ENKUR: variants seen among roughly 807,000 people sequenced by gnomAD.
The protein encoded by ENKUR is enkurin, TRPC channel interacting protein.
ENKUR carries 19 observed loss-of-function variants against 27.6 expected under a neutral mutation model. The observed-to-expected ratio is 0.69, with a 90% CI of 0.48 to 1.01. ENKUR has a LOEUF of 1.01. Ranked by LOEUF, ENKUR falls within the 50% of genes least tolerant of loss-of-function variation. ENKUR has a pLI of 0.00. For synonymous variants in ENKUR, 117 were observed against 96.9 expected, an observed-to-expected ratio of 1.21 and a Z score of -1.22; for missense variants, 312 against 310.5, an observed-to-expected ratio of 1.00 and a Z score of -0.04.
At position 24,983,181 on chromosome 10, in the gene ENKUR, A is replaced by G. The variant is rs1311240461; in HGVS notation, c.*1189T>C. ...CTTAGTCACATTGCACAGTGATGTAAATGAAAAATGTATCTTTATCAGGAA... is the reference window on the plus strand; with the variant it reads ...CTTAGTCACATTGCACAGTGATGTAGATGAAAAATGTATCTTTATCAGGAA... On this transcript the variant is annotated 3_prime_UTR_variant, in exon 6 of 6. Coordinates refer to ENST00000331161, the MANE Select transcript of ENKUR (RefSeq NM_145010.4). The G allele has an allele frequency of 2.6e-5, 4 of 151,962 alleles. No individual in the cohort carries two copies. Among genetic ancestry groups the G allele is most frequent in the African/African-American group, 9.7e-5 (4 of 41,360 alleles). The allele number at this position is 151,962 out of a possible 1,614,324, so 9.4% of individuals were successfully genotyped here.
In ENKUR at chr10:24,982,466, C is replaced by T. The variant is rs1849688449; in HGVS notation, c.*1904G>A. The T allele has an allele frequency of 6.6e-6, 1 of 152,178 alleles. No individual in the cohort carries two copies. Among genetic ancestry groups the T allele is most frequent in the Non-Finnish European group, 1.5e-5 (1 of 68,042 alleles). The allele number at this position is 152,178 out of a possible 1,614,324, so 9.4% of individuals were successfully genotyped here. A position where few individuals can be genotyped will look rare whatever the true frequency, so the allele number is the denominator to read the frequency against. ...TTATTCTACCCATTCTTCCTTTGAA[C>T]AGGAAGAGAAACCAAGTCAAACTAG... On this transcript the variant is annotated 3_prime_UTR_variant, in exon 6 of 6. Coordinates refer to ENST00000331161, the MANE Select transcript of ENKUR (RefSeq NM_145010.4).
intron 2 of ENKUR, among the ~76,000 whole-genome samples, chr10:25,036,069 CAT>C (rs1483891341): frequency 1.3e-5 from 2 of 152,174 alleles, no homozygotes; most frequent in Non-Finnish European, 2.9e-5. Flanking sequence ...CAGACAGAAA[CAT>C]AGCATGGCCT....
At position 24,984,375 on chromosome 10, in the gene ENKUR, C is replaced by A. The variant is rs550618750; in HGVS notation, c.766G>T (p.Ala256Ser). 1.8e-5 allele frequency: 28 copies of A among 1,526,672 alleles called. No individual in the cohort carries two copies. In the African/African-American group the frequency reaches 2.2e-4, roughly 12 times the overall value. The allele number at this position is 1,526,672 out of a possible 1,614,324, so 94.6% of individuals were successfully genotyped here. The change falls in exon 6 of 6, where the codon GCA (alanine) becomes TCA (serine). Residue 256 changes from alanine to serine, a missense_variant and splice_region_variant. Ala to Ser is a moderately conservative substitution (Grantham distance 99). Transcript: ENST00000331161. The part of the protein sequence containing the change: ...KHKIIYIANN[A>S] ...TCAAAGTTGTGCTGTTGGTATCATG[C>A]GCTGCAGAAAAAAAAAAAAAAAAGT...
At chr10:25,020,282 A>ATCTATATCTATATCTATATCTATATC (rs1564347806), upstream of ENKUR, among the ~76,000 whole-genome samples, 1 of 151,874 alleles carries the variant, frequency 6.6e-6, no homozygotes, top group Non-Finnish European at 1.5e-5. Flanking sequence ...ATCTATATAT[A>ATCTATATCTATATCTATATCTATATC]TCTACCCCAA....
rs1849729377 is a variant in ENKUR at position 24,984,276 on chromosome 10, CA to C, written c.*93del. 1 of 1,356,316 alleles carries C rather than the reference CA, an allele frequency of 7.4e-7. No individual in the cohort carries two copies. Among genetic ancestry groups the C allele is most frequent in the African/African-American group, 1.5e-5 (1 of 67,646 alleles). 84.0% of individuals were successfully genotyped at this position (1,356,316 alleles called of 1,614,324 possible). A position where few individuals can be genotyped will look rare whatever the true frequency, so the allele number is the denominator to read the frequency against. ...CTTTTGCATTTGTGGAGCTCAGAAA[CA>C]ATGTGTTGGAGACAGTTTAGAGTAG... On this transcript the variant is annotated 3_prime_UTR_variant, in exon 6 of 6. Transcript: ENST00000331161.
At chr10:25,024,978 G>T in intron 2 of ENKUR, 1 of 1,614,156 alleles carries the variant, frequency 6.2e-7, no homozygotes, top group Non-Finnish European at 8.5e-7. Context: ...AAGATGGACA[G>T]CTAATGACAG....
At chr10:25,036,140 C>A (rs1421723722) in intron 2 of ENKUR, among the ~76,000 whole-genome samples, 1 of 152,162 alleles carries the variant, frequency 6.6e-6, no homozygotes, top group Non-Finnish European at 1.5e-5. Flanking sequence ...CCACCCAAAT[C>A]TCATCTTGAA....
chr10:25,011,868 A>T (rs1407375368), intron 1 of ENKUR, among the ~76,000 whole-genome samples: 1 of 152,244 alleles, frequency 6.6e-6, no homozygotes, highest in South Asian at 2.1e-4. Flanking sequence ...GGAGAAGCCA[A>T]ATGTTAATAG....
At chr10:25,027,863 A>T (rs1850886469) in intron 2 of ENKUR, among the ~76,000 whole-genome samples, 1 of 152,170 alleles carries the variant, frequency 6.6e-6, no homozygotes, top group South Asian at 2.1e-4. Context: ...AATAAATAAA[A>T]ATAAAAAAGA....
intron 1 of ENKUR, among the ~76,000 whole-genome samples, chr10:25,004,769 A>T (rs1850274242): frequency 6.6e-6 from 1 of 152,090 alleles, no homozygotes; most frequent in South Asian, 2.1e-4. Context: ...CTTTAATTAG[A>T]TCCCATATGT....
At chr10:25,043,390 A>G (rs1370148034) in intron 2 of ENKUR, among the ~76,000 whole-genome samples, 1 of 152,152 alleles carries the variant, frequency 6.6e-6, no homozygotes, top group Admixed American at 6.5e-5. Context: ...ATTATAATTA[A>G]TTTTTAATTG....
At chr10:25,038,510 T>C (rs528350061) in intron 2 of ENKUR, among the ~76,000 whole-genome samples, 1 of 152,346 alleles carries the variant, frequency 6.6e-6, no homozygotes, top group East Asian at 1.9e-4. Context: ...CTCTATAAAA[T>C]TGATATATGC....
chr10:25,023,202 T>G lies in ENKUR; in HGVS notation c.38-27333A>C, dbSNP rs201762052. 171 of 1,586,748 alleles carry G rather than the reference T, an allele frequency of 1.1e-4. No individual in the cohort carries two copies. In the East Asian group the frequency reaches 3.3e-3, roughly 31 times the overall value. On this transcript the variant is annotated intron_variant, in intron 2 of 5. Coordinates refer to the ENKUR transcript ENST00000615958. ...GCTAAAGCCAATTTTTAGGTTGGCT[T>G]GGGCAGAAAAGTGAAAAGAGAATGC... is the stretch of plus-strand genomic sequence containing the variant.
chr10:25,022,096 T>C (rs915370471), intron 2 of ENKUR, among the ~76,000 whole-genome samples: 4 of 152,198 alleles, frequency 2.6e-5, no homozygotes, highest in Admixed American at 2.0e-4. Flanking sequence ...AGCCCCACTA[T>C]GTGTCTGTGA....
chr10:25,048,308 TA>T (rs1851143340), intron 2 of ENKUR, among the ~76,000 whole-genome samples: 2 of 152,036 alleles, frequency 1.3e-5, no homozygotes. Context: ...CCTTGGGTTA[TA>T]GGGGCAGCCA....
rs142828206 is a variant in ENKUR at position 24,999,476 on chromosome 10, C to G, written c.148G>C (p.Gly50Arg). ...GAAGGTACTTCAACTTTTGCTGGTCCCATAGTTTTCATTGCAGTTTTAGCT... is the reference window on the plus strand; with the variant it reads ...GAAGGTACTTCAACTTTTGCTGGTCGCATAGTTTTCATTGCAGTTTTAGCT... ...QKAKTAMKTM[G>R]PAKVEVPSPK... is the part of the protein sequence containing the mutation. Residue 50 changes from glycine (G) to arginine (R), a missense_variant, in exon 2 of 6, where the codon GGA becomes CGA. Coordinates refer to ENST00000331161, the MANE Select transcript of ENKUR (RefSeq NM_145010.4). The G allele has an allele frequency of 3.4e-4, 555 of 1,612,990 alleles. 2 individuals carry two copies. In the African/African-American group the frequency reaches 6.8e-3, roughly 20 times the overall value.
intron 1 of ENKUR, among the ~76,000 whole-genome samples, chr10:25,011,622 T>G (rs992096104): frequency 1.3e-5 from 2 of 152,120 alleles, no homozygotes; most frequent in South Asian, 2.1e-4. Flanking sequence ...CCTGCAACCA[T>G]AAAGACCCTA....
At chr10:25,014,663 A>G (rs1377950047) in intron 1 of ENKUR, among the ~76,000 whole-genome samples, 1 of 152,218 alleles carries the variant, frequency 6.6e-6, no homozygotes, top group Non-Finnish European at 1.5e-5. Context: ...ATCTCATGTA[A>G]TATGCAGGAA....
At chr10:25,050,256 C>A (rs953496747) in intron 2 of ENKUR, among the ~76,000 whole-genome samples, 6 of 152,120 alleles carry the variant, frequency 3.9e-5, no homozygotes, top group Admixed American at 3.3e-4. Flanking sequence ...GGACAAGCAT[C>A]CAAACCATAT....
Sources: allele counts gnomAD v4.1 joint callset (sites outside exome capture counted in the v4.1 genomes callset), GRCh38; gene constraint gnomAD v4.1.1; transcripts MANE v1.5; gene names NCBI Gene and HGNC (gene_info 2026-07-23, HGNC 2026-07-21).